The following CADM2 variants were observed in gnomAD, a reference collection of about 807,000 sequenced individuals.
CADM2 encodes the protein immunoglobulin superfamily member 4D.
Under a neutral mutation model 49.8 loss-of-function variants are expected in CADM2, and 12 were observed. That is an observed-to-expected ratio of 0.24 (90% CI 0.15 to 0.39). CADM2 has a LOEUF of 0.39. Ranked by LOEUF, CADM2 falls within the 10% of genes least tolerant of loss-of-function variation. The pLI is 1.00. For synonymous variants in CADM2, 214 were observed against 175.4 expected (o/e 1.22, Z -1.74); for missense variants, 378 against 492.3 (o/e 0.77, Z 2.20).
intron 1 of CADM2, among the ~76,000 whole-genome samples, chr3:85,030,963 T>A (rs1355964498): frequency 1.3e-5 from 2 of 152,140 alleles, no homozygotes; most frequent in East Asian, 3.9e-4. Context: ...GTGGGGACGA[T>A]GTAAGGAAAG....
At chr3:85,359,132 G>A (rs756136531) in intron 1 of CADM2, among the ~76,000 whole-genome samples, 5 of 152,076 alleles carry the variant, frequency 3.3e-5, no homozygotes, top group Admixed American at 6.6e-5. Context: ...GAGGGTGGAA[G>A]GAGCTAAGGA....
At chr3:85,375,048 T>C (rs1355628904) in intron 1 of CADM2, among the ~76,000 whole-genome samples, 8 of 152,194 alleles carry the variant, frequency 5.3e-5, no homozygotes, top group Admixed American at 5.2e-4. Flanking sequence ...ACAAAATTTA[T>C]TATAGGAGAT....
intron 8 of CADM2, among the ~76,000 whole-genome samples, chr3:85,999,276 G>GGA (rs1559791930): frequency 2.0e-5 from 3 of 150,998 alleles, no homozygotes; most frequent in Admixed American, 6.6e-5. Context: ...AGGGTTGGGG[G>GGA]GTGGATCACT....
At chr3:85,875,601 C>G (rs892916839) in intron 3 of CADM2, among the ~76,000 whole-genome samples, 11 of 152,104 alleles carry the variant, frequency 7.2e-5, no homozygotes, top group Admixed American at 7.2e-4. Context: ...AAATCCTTGT[C>G]CTGATTCTGA....
intron 1 of CADM2, among the ~76,000 whole-genome samples, chr3:85,412,723 A>T (rs902128829): frequency 2.0e-5 from 3 of 152,154 alleles, no homozygotes; most frequent in African/African-American, 4.8e-5. Flanking sequence ...CAATTTTAAA[A>T]ATGGGATTAA....
At chr3:85,316,138 CTCTG>C (rs1198161681) in intron 1 of CADM2, among the ~76,000 whole-genome samples, 10 of 152,238 alleles carry the variant, frequency 6.6e-5, no homozygotes, top group Admixed American at 2.6e-4. Context: ...ATTTGTATCT[CTCTG>C]TCTTTTATTA....
chr3:85,378,949 A>G (rs2033745815), intron 1 of CADM2, among the ~76,000 whole-genome samples: 1 of 152,050 alleles, frequency 6.6e-6, no homozygotes, highest in Admixed American at 6.6e-5. Context: ...TTCAAGAAAT[A>G]AATCGTATTG....
intron 1 of CADM2, among the ~76,000 whole-genome samples, chr3:85,170,923 C>T (rs2040608255): frequency 6.6e-6 from 1 of 152,100 alleles, no homozygotes; most frequent in African/African-American, 2.4e-5. Context: ...CAACAATCAC[C>T]ATTTTACTCA....
chr3:85,581,824 T>G (rs573087911), intron 1 of CADM2, among the ~76,000 whole-genome samples: 1 of 150,672 alleles, frequency 6.6e-6, no homozygotes, highest in African/African-American at 2.4e-5. Context: ...GTATTTATAC[T>G]TCAAAAAAAA....
intron 1 of CADM2, among the ~76,000 whole-genome samples, chr3:85,201,325 TA>T (rs1489619108): frequency 1.3e-5 from 2 of 152,202 alleles, no homozygotes; most frequent in Non-Finnish European, 2.9e-5. Flanking sequence ...GTCTATCAAG[TA>T]TGTGATAGCA....
intron 2 of CADM2, among the ~76,000 whole-genome samples, chr3:85,744,839 G>T (rs2068548985): frequency 6.6e-6 from 1 of 152,158 alleles, no homozygotes; most frequent in Non-Finnish European, 1.5e-5. Flanking sequence ...AAGTAGGCCA[G>T]CTCAAGGGCT....
At chr3:85,764,504 A>C (rs1447706124) in intron 2 of CADM2, among the ~76,000 whole-genome samples, 1 of 152,106 alleles carries the variant, frequency 6.6e-6, no homozygotes, top group Non-Finnish European at 1.5e-5. Context: ...CATAGGAAGG[A>C]AGCAGATATT....
chr3:85,016,558 C>G (rs1411796004), intron 1 of CADM2, among the ~76,000 whole-genome samples: 10 of 152,142 alleles, frequency 6.6e-5, no homozygotes, highest in African/African-American at 2.4e-4. Context: ...TTTGGTTGGC[C>G]AAGGCGGGGA....
intron 1 of CADM2, among the ~76,000 whole-genome samples, chr3:85,170,622 C>T (rs1021797706): frequency 2.0e-5 from 3 of 152,158 alleles, no homozygotes; most frequent in Non-Finnish European, 4.4e-5. Flanking sequence ...CATGACTCAT[C>T]GTGCAGGCCT....
In CADM2 at chr3:85,494,845, CT is replaced by C. The variant is rs1489621578; in HGVS notation, c.62-231676del. Among the ~76,000 whole-genome samples the C allele has an allele frequency of 2.0e-5, 3 of 152,242 alleles. No homozygotes were observed. The South Asian group carries it at 6.2e-4, about 32-fold the overall frequency. ...TGGTGGCCCTAGGGAAAATGCATTG[CT>C]GTAACTCCCTTGTAGGTCTATGCTG... is the stretch of plus-strand genomic sequence containing the variant. On this transcript the variant is annotated intron_variant, in intron 1 of 9. Coordinates refer to ENST00000383699, the MANE Select transcript of CADM2 (RefSeq NM_001167675.2).
chr3:85,177,103 TC>T (rs1158308083), intron 1 of CADM2, among the ~76,000 whole-genome samples: 9 of 152,138 alleles, frequency 5.9e-5, no homozygotes, highest in African/African-American at 1.9e-4. Flanking sequence ...ACAGTGCAAG[TC>T]TTTAATATAA....
chr3:85,398,920 A>T (rs2034940546), intron 1 of CADM2, among the ~76,000 whole-genome samples: 1 of 152,128 alleles, frequency 6.6e-6, no homozygotes, highest in Non-Finnish European at 1.5e-5. Context: ...TCAGATGAGT[A>T]GATTGCAAAA....
intron 1 of CADM2, among the ~76,000 whole-genome samples, chr3:85,243,934 C>A (rs145742629): frequency 1.0e-3 from 152 of 151,974 alleles, no homozygotes; most frequent in African/African-American, 3.4e-3. Context: ...TATATAAAAT[C>A]ATTATTAAAT....
intron 3 of CADM2, among the ~76,000 whole-genome samples, chr3:85,829,234 C>T (rs757216457): frequency 2.6e-5 from 4 of 151,824 alleles, no homozygotes; most frequent in African/African-American, 9.7e-5. Context: ...CTGTGAAGGA[C>T]TGGCTTTCTC....
Sources: gnomAD v4.1 joint callset for allele counts (sites outside exome capture counted in the v4.1 genomes callset) on GRCh38, gnomAD v4.1.1 for gene constraint, MANE v1.5 for transcripts, NCBI Gene and HGNC (gene_info 2026-07-23, HGNC 2026-07-21) for gene names.